ROBO2: variants seen among roughly 807,000 people sequenced by gnomAD.
The protein encoded by ROBO2 is roundabout guidance receptor 2, also known as roundabout homolog 2.
In ROBO2, 53 loss-of-function variants were observed where a neutral mutation model predicts 160.8. The observed-to-expected ratio is 0.33, with a 90% CI of 0.26 to 0.41. ROBO2 has a LOEUF of 0.41. ROBO2 is among the 10% of genes least tolerant of loss of function. The pLI is 1.00. For missense variants in ROBO2, 1,577 were observed against 1,722.4 expected, an observed-to-expected ratio of 0.92 and a Z score of 1.49; for synonymous variants, 664 against 611.7, an observed-to-expected ratio of 1.09 and a Z score of -1.26.
At chr3:76,548,968 C>T (rs962750948) in intron 2 of ROBO2, among the ~76,000 whole-genome samples, 7 of 152,022 alleles carry the variant, frequency 4.6e-5, no homozygotes, top group Non-Finnish European at 1.0e-4. Context: ...TCCCTGAAGA[C>T]ACTAGGAACA....
chr3:77,305,070 T>C (rs2062982933), intron 2 of ROBO2, among the ~76,000 whole-genome samples: 2 of 152,230 alleles, frequency 1.3e-5, no homozygotes, highest in South Asian at 4.1e-4. Context: ...ATAAGGACTC[T>C]ATTTGTTGGC....
chr3:76,033,931 G>A (rs906058080), intron 2 of ROBO2, among the ~76,000 whole-genome samples: 5 of 152,182 alleles, frequency 3.3e-5, no homozygotes, highest in Non-Finnish European at 7.3e-5. Flanking sequence ...AATTCCGAAA[G>A]GGAAAGTAGA....
At chr3:77,337,984 A>G (rs10511055) in intron 2 of ROBO2, among the ~76,000 whole-genome samples, 24,803 of 152,148 alleles carry the variant, frequency 0.16, 2,340 homozygotes, top group East Asian at 0.26. Flanking sequence ...GTTTCATTTC[A>G]GCATCCTTGA....
At chr3:76,081,420 TA>T (rs2068825422) in intron 2 of ROBO2, among the ~76,000 whole-genome samples, 1 of 151,770 alleles carries the variant, frequency 6.6e-6, no homozygotes, top group African/African-American at 2.4e-5. Flanking sequence ...AAAAGAGTAA[TA>T]TTTGATAATA....
At chr3:76,650,166 A>G (rs992315495) in intron 2 of ROBO2, among the ~76,000 whole-genome samples, 4 of 152,180 alleles carry the variant, frequency 2.6e-5, no homozygotes, top group African/African-American at 9.6e-5. Flanking sequence ...TAAACAAGCT[A>G]GGAATAAAGA....
chr3:76,939,938 T>C (rs910010261), intron 2 of ROBO2, among the ~76,000 whole-genome samples: 6 of 151,742 alleles, frequency 4.0e-5, no homozygotes, highest in African/African-American at 1.5e-4. Context: ...ACTATTTAAT[T>C]TGAAGGAAGA....
chr3:76,875,274 C>T (rs372471689), intron 2 of ROBO2, among the ~76,000 whole-genome samples: 2 of 152,298 alleles, frequency 1.3e-5, no homozygotes, highest in East Asian at 3.9e-4. Context: ...TTGAGCTTCC[C>T]AGCCCCCAGA....
chr3:76,750,475 G>A (rs1300017024), intron 2 of ROBO2, among the ~76,000 whole-genome samples: 2 of 152,122 alleles, frequency 1.3e-5, no homozygotes, highest in African/African-American at 4.8e-5. Context: ...AGAAATAAAG[G>A]GTATTCAATT....
intron 1 of ROBO2, among the ~76,000 whole-genome samples, chr3:75,922,653 G>C (rs918095754): frequency 6.6e-6 from 1 of 151,992 alleles, no homozygotes; most frequent in Non-Finnish European, 1.5e-5. Context: ...ACAATAGAGA[G>C]CATTATTGAT....
Position 76,074,964 on chromosome 3 carries a change from T to G in ROBO2, c.109+137362T>G, listed in dbSNP as rs1452962859. On this transcript the variant is annotated intron_variant, in intron 2 of 26. Transcript: ENST00000487694. ...ATATGTGACAATAGGGTTTTTCATA[T>G]TCACTAGAAACATACTTGGGGGATG... 5.3e-5 allele frequency among the ~76,000 whole-genome samples: 8 copies of G among 152,292 alleles called. No homozygotes were observed. In the East Asian group the frequency reaches 1.5e-3, roughly 29 times the overall value.
chr3:77,502,495 A>G (rs1561013024), intron 5 of ROBO2, among the ~76,000 whole-genome samples: 1 of 152,152 alleles, frequency 6.6e-6, no homozygotes, highest in Non-Finnish European at 1.5e-5. Flanking sequence ...TTTAACTTGT[A>G]TTCTTTTCTT....
intron 2 of ROBO2, among the ~76,000 whole-genome samples, chr3:77,104,517 A>G (rs1442993770): frequency 2.0e-5 from 3 of 152,154 alleles, no homozygotes; most frequent in African/African-American, 7.2e-5. Context: ...GCTATGAACA[A>G]TGTTGCTATG....
At chr3:77,398,405 T>TTTTGG (rs112182570) in intron 2 of ROBO2, among the ~76,000 whole-genome samples, 63,954 of 151,632 alleles carry the variant, frequency 0.42, 14,542 homozygotes, top group African/African-American at 0.6. Flanking sequence ...CTTGAAACAA[T>TTTTGG]CAGAGAGATA....
At chr3:77,263,385 C>T (rs2058904523) in intron 2 of ROBO2, among the ~76,000 whole-genome samples, 1 of 152,080 alleles carries the variant, frequency 6.6e-6, no homozygotes, top group Non-Finnish European at 1.5e-5. Context: ...AGTAATTTTT[C>T]CTGATCCTCT....
rs143460992 is a variant in ROBO2, at chr3:76,229,335, A to G, written c.109+291733A>G. ...TTAGCAAATCTAAAGTCTCTATCCA[A>G]TGAAACTAGACCAGTTTAGTTTAAT... On this transcript the variant is annotated intron_variant, in intron 2 of 26. Transcript: ENST00000487694. Among the ~76,000 whole-genome samples, 444 of 152,242 alleles carry G rather than the reference A, an allele frequency of 2.9e-3. 5 individuals carry two copies. The highest frequency in any genetic ancestry group is 0.01 in the African/African-American group (425 of 41,562).
intron 2 of ROBO2, among the ~76,000 whole-genome samples, chr3:76,489,072 G>A (rs2079657568): frequency 8.9e-6 from 1 of 112,948 alleles, no homozygotes; most frequent in African/African-American, 3.3e-5. Flanking sequence ...GTGACAGAGT[G>A]AGACTCTGTC....
At chr3:77,077,330 T>A (rs554057992) in intron 1 of ROBO2, among the ~76,000 whole-genome samples, 1 of 152,234 alleles carries the variant, frequency 6.6e-6, no homozygotes. Flanking sequence ...TGGATATTAT[T>A]ATAGTATCAT....
At chr3:77,474,729 A>G (rs1199477077) in intron 2 of ROBO2, among the ~76,000 whole-genome samples, 1 of 151,952 alleles carries the variant, frequency 6.6e-6, no homozygotes, top group Non-Finnish European at 1.5e-5. Flanking sequence ...TATTTTCTAC[A>G]TTTACCAGAC....
At chr3:77,522,497 G>A (rs2090702845) in intron 5 of ROBO2, among the ~76,000 whole-genome samples, 1 of 151,084 alleles carries the variant, frequency 6.6e-6, no homozygotes. Context: ...CAAAATAAAG[G>A]TCAAAGTGCT....
Sources: allele counts gnomAD v4.1 joint callset (sites outside exome capture counted in the v4.1 genomes callset), GRCh38; gene constraint gnomAD v4.1.1; transcripts MANE v1.5; gene names NCBI Gene and HGNC (gene_info 2026-07-23, HGNC 2026-07-21).